The following FIGN variants were observed in gnomAD, a reference collection of about 807,000 sequenced individuals.
FIGN encodes the protein fidgetin.
A neutral mutation model predicts 51.3 loss-of-function variants in FIGN; 11 were observed. The observed-to-expected ratio is 0.21, with a 90% CI of 0.13 to 0.35. FIGN has a LOEUF of 0.35. Ranked by LOEUF, FIGN falls within the 10% of genes least tolerant of loss-of-function variation. The pLI, the probability that FIGN is intolerant of heterozygous loss-of-function variation, is 1.00. For missense variants in FIGN, 857 were observed against 943.6 expected (o/e 0.91, Z 1.20); for synonymous variants, 407 against 363.2 (o/e 1.12, Z -1.37).
At chr2:163,719,894 C>T (rs905483107) in intron 2 of FIGN, among the ~76,000 whole-genome samples, 8 of 152,040 alleles carry the variant, frequency 5.3e-5, no homozygotes, top group African/African-American at 1.9e-4. Flanking sequence ...TAAAATTTAG[C>T]CTCTATATGT....
At chr2:163,612,721 T>TGTGTGTGTGTG in intron 2 of FIGN, 1 of 289,762 alleles carries the variant, frequency 3.5e-6, no homozygotes, top group African/African-American at 2.3e-5. Flanking sequence ...TGTGTGTGTA[T>TGTGTGTGTGTG]TTATACACAT....
At chr2:163,616,936 A>C (rs10445755) in intron 2 of FIGN, among the ~76,000 whole-genome samples, 2 of 151,998 alleles carry the variant, frequency 1.3e-5, no homozygotes, top group African/African-American at 4.8e-5. Context: ...AACCTTCTGA[A>C]AGAAGGATTG....
chr2:163,656,723 GC>G (rs1345782025), intron 2 of FIGN, among the ~76,000 whole-genome samples: 1 of 152,128 alleles, frequency 6.6e-6, no homozygotes, highest in African/African-American at 2.4e-5. Context: ...AAGGAAGCAG[GC>G]ACAGGGGCCT....
At chr2:163,616,649 C>A (rs1175917848) in intron 2 of FIGN, among the ~76,000 whole-genome samples, 1 of 152,138 alleles carries the variant, frequency 6.6e-6, no homozygotes, top group Non-Finnish European at 1.5e-5. Context: ...ATTACTACAC[C>A]TATTACATTT....
chr2:163,725,950 T>A (rs576627112), intron 2 of FIGN, among the ~76,000 whole-genome samples: 1 of 152,106 alleles, frequency 6.6e-6, no homozygotes, highest in African/African-American at 2.4e-5. Context: ...CAACTGGACA[T>A]TCATTTCTGA....
At chr2:163,626,693 C>T (rs1683058678) in intron 2 of FIGN, among the ~76,000 whole-genome samples, 1 of 152,046 alleles carries the variant, frequency 6.6e-6, no homozygotes, top group African/African-American at 2.4e-5. Context: ...AAGGCTGAGA[C>T]CTACTGGGCT....
At chr2:163,687,113 G>A (rs1355953940) in intron 2 of FIGN, among the ~76,000 whole-genome samples, 2 of 152,040 alleles carry the variant, frequency 1.3e-5, no homozygotes, top group African/African-American at 4.8e-5. Flanking sequence ...ATGATTCTCA[G>A]AGGCATTTGG....
chr2:163,722,076 C>G (rs933418351), intron 2 of FIGN, among the ~76,000 whole-genome samples: 5 of 152,268 alleles, frequency 3.3e-5, no homozygotes, highest in African/African-American at 1.2e-4. Flanking sequence ...CACGAGCACA[C>G]AAACCCAACT....
At chr2:163,662,650 C>T (rs1683708380) in intron 2 of FIGN, among the ~76,000 whole-genome samples, 1 of 152,058 alleles carries the variant, frequency 6.6e-6, no homozygotes, top group Non-Finnish European at 1.5e-5. Flanking sequence ...AGCCTAGGGA[C>T]TTGGTGCCTG....
chr2:163,636,012 A>G (rs182002569), intron 2 of FIGN, among the ~76,000 whole-genome samples: 2 of 152,332 alleles, frequency 1.3e-5, no homozygotes, highest in African/African-American at 4.8e-5. Context: ...GAGTCATGCT[A>G]TAAAGTGTTT....
chr2:163,638,042 G>C (rs1478388298), intron 2 of FIGN, among the ~76,000 whole-genome samples: 3 of 151,902 alleles, frequency 2.0e-5, no homozygotes, highest in South Asian at 2.1e-4. Flanking sequence ...TCACACCAGG[G>C]GTTTGCTCTT....
intron 2 of FIGN, among the ~76,000 whole-genome samples, chr2:163,725,437 A>C (rs1211359799): frequency 6.6e-6 from 1 of 152,058 alleles, no homozygotes; most frequent in African/African-American, 2.4e-5. Context: ...AAATAAAGAC[A>C]ATTTTTTTAA....
chr2:163,708,872 A>T (rs1342851496), intron 2 of FIGN, among the ~76,000 whole-genome samples: 1 of 152,206 alleles, frequency 6.6e-6, no homozygotes, highest in Non-Finnish European at 1.5e-5. Flanking sequence ...GGAATTCAGA[A>T]GTTACATATG....
chr2:163,683,542 G>T (rs1039181481), intron 2 of FIGN, among the ~76,000 whole-genome samples: 1 of 152,128 alleles, frequency 6.6e-6, no homozygotes, highest in Non-Finnish European at 1.5e-5. Context: ...CGGAGAGAAA[G>T]GAGACAAAGA....
chr2:163,665,387 TTTAA>T (rs1683757436), intron 2 of FIGN, among the ~76,000 whole-genome samples: 1 of 152,262 alleles, frequency 6.6e-6, no homozygotes, highest in Admixed American at 6.5e-5. Context: ...GATATTACTC[TTTAA>T]TTGTTTATGG....
At chr2:163,709,553 TC>T (rs951576702) in intron 2 of FIGN, among the ~76,000 whole-genome samples, 1 of 152,074 alleles carries the variant, frequency 6.6e-6, no homozygotes, top group African/African-American at 2.4e-5. Context: ...CTTTTTTTCT[TC>T]TCCTTTGAAA....
intron 2 of FIGN, among the ~76,000 whole-genome samples, chr2:163,665,654 A>G (rs568228608): frequency 6.6e-6 from 1 of 152,244 alleles, no homozygotes; most frequent in Admixed American, 6.5e-5. Context: ...TCCATTATAA[A>G]GAATTCATAT....
At chr2:163,652,894 C>T (rs1683500380) in intron 2 of FIGN, among the ~76,000 whole-genome samples, 1 of 152,128 alleles carries the variant, frequency 6.6e-6, no homozygotes, top group Non-Finnish European at 1.5e-5. Flanking sequence ...TTAGTGCATG[C>T]AGGAAATGAC....
chr2:163,610,990 G>A lies in FIGN; in HGVS notation c.842C>T (p.Ala281Val). 1 of 1,613,826 alleles carries A rather than the reference G, an allele frequency of 6.2e-7. No homozygotes were observed. Among genetic ancestry groups the A allele is most frequent in the South Asian group, 1.1e-5 (1 of 91,080 alleles). ...AGTGGTGGGGGGTAGGGGGGTGGGA[G>A]CAGGAATTCCTGAAGGCAGGTACGC... Reference protein sequence around the residue: ...PSAYLPSGIPAPTPLPPTTVP... With the variant: ...PSAYLPSGIPVPTPLPPTTVP... The change falls in exon 3 of 3, where the codon GCT becomes GTT. Residue 281 changes from alanine (A) to valine (V), a missense_variant. By Grantham distance (64) the Ala-to-Val change is moderately conservative (BLOSUM62 0). Transcript: ENST00000333129.
Sources: allele counts gnomAD v4.1 joint callset (sites outside exome capture counted in the v4.1 genomes callset), GRCh38; gene constraint gnomAD v4.1.1; transcripts MANE v1.5; gene names NCBI Gene and HGNC (gene_info 2026-07-23, HGNC 2026-07-21).